The following CCDC146 variants were observed in gnomAD, a reference collection of about 807,000 sequenced individuals.
The protein encoded by CCDC146 is coiled-coil domain-containing protein 146.
In CCDC146, 92 loss-of-function variants were observed where a neutral mutation model predicts 119.3. The ratio of observed to expected loss-of-function variants is 0.77; its 90% confidence interval spans 0.65 to 0.92. CCDC146 has a LOEUF of 0.92. Among genes scored for constraint, CCDC146 ranks in the 40% least tolerant of loss-of-function variants. CCDC146 has a pLI of 0.00. For missense variants in CCDC146, 1,000 were observed against 1,103.0 expected (o/e 0.91, Z 1.32); for synonymous variants, 372 against 371.8 (o/e 1.00, Z -0.01).
intron 5 of CCDC146, among the ~76,000 whole-genome samples, chr7:77,255,808 G>C (rs1382508959): frequency 6.6e-6 from 1 of 152,198 alleles, no homozygotes; most frequent in African/African-American, 2.4e-5. Context: ...GGGAGGATGT[G>C]CATGAGCTAG....
At chr7:77,268,992 A>G (rs1793459640) in intron 9 of CCDC146, among the ~76,000 whole-genome samples, 1 of 152,048 alleles carries the variant, frequency 6.6e-6, no homozygotes, top group Admixed American at 6.6e-5. Flanking sequence ...TGGGGCACTG[A>G]ATGGGTTCTC....
chr7:77,204,740 C>A (rs1394013463), intron 2 of CCDC146, among the ~76,000 whole-genome samples: 1 of 152,166 alleles, frequency 6.6e-6, no homozygotes, highest in Admixed American at 6.5e-5. Context: ...CCACACCAAG[C>A]CAGGGATCAT....
intron 2 of CCDC146, among the ~76,000 whole-genome samples, chr7:77,206,447 T>C (rs985775664): frequency 1.3e-5 from 2 of 152,072 alleles, no homozygotes; most frequent in African/African-American, 4.8e-5. Flanking sequence ...AAATCCCATC[T>C]CTACTAAAAA....
chr7:77,257,646 T>C (rs961772117), intron 6 of CCDC146, among the ~76,000 whole-genome samples: 2 of 152,206 alleles, frequency 1.3e-5, no homozygotes, highest in African/African-American at 4.8e-5. Flanking sequence ...CAAAATTTGA[T>C]CTGCCCCAGG....
intron 2 of CCDC146, among the ~76,000 whole-genome samples, chr7:77,226,741 T>C (rs2150469852): frequency 6.6e-6 from 1 of 152,354 alleles, no homozygotes; most frequent in South Asian, 2.1e-4. Context: ...ATTTCTTAGA[T>C]TCTGCATTTT....
intron 9 of CCDC146, among the ~76,000 whole-genome samples, chr7:77,262,541 T>A (rs1402245307): frequency 6.6e-6 from 1 of 152,232 alleles, no homozygotes; most frequent in Non-Finnish European, 1.5e-5. Flanking sequence ...CAGTCATCCT[T>A]CAGCCTGACC....
At chr7:77,177,364 G>A (rs1023430262) in intron 2 of CCDC146, among the ~76,000 whole-genome samples, 2 of 152,090 alleles carry the variant, frequency 1.3e-5, no homozygotes, top group Non-Finnish European at 2.9e-5. Flanking sequence ...AGGAGCTTAC[G>A]AAGTAGTTTC....
intron 1 of CCDC146, among the ~76,000 whole-genome samples, chr7:77,157,924 C>A (rs1328146679): frequency 6.6e-6 from 1 of 152,190 alleles, no homozygotes; most frequent in South Asian, 2.1e-4. Flanking sequence ...ACCATGGTAC[C>A]TATCTCCTAC....
intron 17 of CCDC146, among the ~76,000 whole-genome samples, chr7:77,289,655 T>C (rs1033028547): frequency 6.6e-6 from 1 of 152,226 alleles, no homozygotes; most frequent in Non-Finnish European, 1.5e-5. Flanking sequence ...CCTAGCCACA[T>C]TCAAAAAGAT....
intron 10 of CCDC146, among the ~76,000 whole-genome samples, chr7:77,274,126 C>T (rs889266106): frequency 3.3e-5 from 5 of 152,194 alleles, no homozygotes; most frequent in African/African-American, 1.2e-4. Context: ...TTCTTAGTCA[C>T]TTGAAAATAC....
intron 4 of CCDC146, among the ~76,000 whole-genome samples, chr7:77,242,674 A>AG (rs1052502577): frequency 2.0e-5 from 3 of 152,214 alleles, no homozygotes; most frequent in African/African-American, 7.2e-5. Context: ...GCCTGGGTAC[A>AG]GGAGAGAAAG....
intron 2 of CCDC146, among the ~76,000 whole-genome samples, chr7:77,206,587 T>C (rs773278738): frequency 8.6e-5 from 13 of 150,948 alleles, no homozygotes; most frequent in Non-Finnish European, 1.6e-4. Flanking sequence ...GAGCTGAGAT[T>C]GCACCACTGC....
intron 2 of CCDC146, chr7:77,194,365 C>G (rs951828188): frequency 6.6e-6 from 1 of 151,880 alleles, no homozygotes; most frequent in Admixed American, 6.6e-5. Flanking sequence ...TAAAAAACAA[C>G]GTCAGTTACA....
intron 9 of CCDC146, among the ~76,000 whole-genome samples, chr7:77,271,065 A>AAC (rs1167247902): frequency 1.3e-5 from 2 of 151,938 alleles, no homozygotes; most frequent in Middle Eastern, 3.2e-3. Flanking sequence ...AAAAAAAAAA[A>AAC]AAAACAGCAT....
chr7:77,293,237 G>A (rs1167811243), intron 18 of CCDC146, 37 bp downstream of exon 18: 1 of 1,595,014 alleles, frequency 6.3e-7, no homozygotes, highest in East Asian at 2.2e-5. Context: ...TCTAAAGGGT[G>A]CCAGCAGGGG....
At chr7:77,270,966 C>T (rs1385985461) in intron 9 of CCDC146, among the ~76,000 whole-genome samples, 2 of 151,128 alleles carry the variant, frequency 1.3e-5, no homozygotes, top group East Asian at 3.9e-4. Context: ...CAGACTTCCA[C>T]TTACATTTCA....
chr7:77,168,908 T>C (rs527910581), intron 2 of CCDC146, among the ~76,000 whole-genome samples: 19 of 152,056 alleles, frequency 1.2e-4, no homozygotes, highest in Non-Finnish European at 2.5e-4. Flanking sequence ...CCTAAAAATA[T>C]ATTCATTCTC....
At chr7:77,291,347 T>C (rs181343455) in intron 17 of CCDC146, among the ~76,000 whole-genome samples, 1 of 152,190 alleles carries the variant, frequency 6.6e-6, no homozygotes, top group East Asian at 1.9e-4. Context: ...CTTGAGATCT[T>C]TTTTTTCCAG....
chr7:77,261,243 A>G (rs928565557), intron 8 of CCDC146, among the ~76,000 whole-genome samples: 2 of 152,012 alleles, frequency 1.3e-5, no homozygotes, highest in African/African-American at 4.8e-5. Context: ...CCTAGTACCT[A>G]TTATTTTTCC....
Sources: allele counts gnomAD v4.1 joint callset (sites outside exome capture counted in the v4.1 genomes callset), GRCh38; gene constraint gnomAD v4.1.1; transcripts MANE v1.5; gene names NCBI Gene and HGNC (gene_info 2026-07-23, HGNC 2026-07-21).